SLX9: variants seen among roughly 807,000 people sequenced by gnomAD.
The protein encoded by SLX9 is SLX9 ribosome biogenesis factor.
SLX9 carries 19 observed loss-of-function variants against 20.8 expected under a neutral mutation model. The observed-to-expected ratio is 0.91, with a 90% CI of 0.64 to 1.34. SLX9 has a LOEUF of 1.34. Among genes scored for constraint, SLX9 ranks in the 40% most tolerant of loss-of-function variants. The pLI is 0.00. For synonymous variants in SLX9, 113 were observed against 137.1 expected (o/e 0.82, Z 1.23); for missense variants, 299 against 322.2 (o/e 0.93, Z 0.55).
upstream of SLX9, chr21:44,940,021 G>T (rs752389186): frequency 1.4e-6 from 2 of 1,393,428 alleles, no homozygotes; most frequent in South Asian, 1.7e-5. Flanking sequence ...CAGCTTCCGG[G>T]AGGCGCTCCG....
chr21:44,973,087 C>A, intron 4 of SLX9, 110 bp from the exon 5 acceptor site: 1 of 1,150,836 alleles, frequency 8.7e-7, no homozygotes, highest in Non-Finnish European at 1.2e-6. Flanking sequence ...GTTTGGTCAC[C>A]TCTGGCCACC....
At chr21:44,967,322 C>T (rs1266690305) in intron 4 of SLX9, 141 bp downstream of exon 4, 9 of 1,243,974 alleles carry the variant, frequency 7.2e-6, no homozygotes, top group Admixed American at 3.0e-5. Context: ...GCCGGTGCTC[C>T]GCACAGGTAC....
intron 2 of SLX9, among the ~76,000 whole-genome samples, chr21:44,953,221 C>T (rs1341636751): frequency 6.6e-6 from 1 of 152,250 alleles, no homozygotes; most frequent in Admixed American, 6.5e-5. Flanking sequence ...CTATCCCTTC[C>T]TCTGTGGGCG....
intron 1 of SLX9, among the ~76,000 whole-genome samples, chr21:44,942,568 G>A (rs9637166): frequency 0.9 from 136,318 of 152,286 alleles, 61,176 homozygotes; most frequent in African/African-American, 0.97. Flanking sequence ...AGGAGGCCAT[G>A]TTTTACCTCT....
chr21:44,941,837 G>C (rs190030258), intron 1 of SLX9, among the ~76,000 whole-genome samples: 1 of 152,196 alleles, frequency 6.6e-6, no homozygotes, highest in Non-Finnish European at 1.5e-5. Context: ...TCACCACCCA[G>C]AGCTCCTTCC....
chr21:44,973,258 C>T lies in SLX9; in HGVS notation c.562C>T (p.Gln188Ter). 6.2e-7 allele frequency: 1 copy of T among 1,612,300 alleles called. No homozygotes were observed. The highest frequency in any genetic ancestry group is 1.3e-5 in the African/African-American group (1 of 75,000). Residue 188 changes from glutamine to a stop codon, truncating the protein, a stop_gained, in exon 5 of 6, where the codon CAG becomes TAG. Coordinates refer to ENST00000291634, the MANE Select transcript of SLX9 (RefSeq NM_058190.4). LOFTEE classifies it high-confidence loss of function. ...LSRMSAAQRQ[Q>*]LLEEERTRFQ... is the part of the protein sequence containing the mutation. ...CCGGATGAGCGCAGCCCAGAGACAGCAGCTTCTGTGAGTGCACCTGCCCAC... is the reference window on the plus strand; with the variant it reads ...CCGGATGAGCGCAGCCCAGAGACAGTAGCTTCTGTGAGTGCACCTGCCCAC...
chr21:44,939,977 C>T (rs1281060193), upstream of SLX9: 1 of 1,334,938 alleles, frequency 7.5e-7, no homozygotes, highest in Non-Finnish European at 9.7e-7. Flanking sequence ...GCAGCCGCGG[C>T]TCCTGTTTCC....
intron 2 of SLX9, among the ~76,000 whole-genome samples, chr21:44,954,006 C>T (rs1214928366): frequency 2.6e-5 from 4 of 152,178 alleles, no homozygotes; most frequent in Admixed American, 2.0e-4. Context: ...GTTTCTCTTG[C>T]CTTGTTACCC....
intron 4 of SLX9, among the ~76,000 whole-genome samples, chr21:44,971,391 T>A (rs199870560): frequency 0.036 from 1 of 28 alleles, no homozygotes; most frequent in East Asian, 0.25. Context: ...CCCCACTGGG[T>A]AGGCTGTGCG....
At chr21:44,948,711 G>A (rs1327118769) in intron 2 of SLX9, among the ~76,000 whole-genome samples, 1 of 152,178 alleles carries the variant, frequency 6.6e-6, no homozygotes, top group Non-Finnish European at 1.5e-5. Flanking sequence ...GGTGGTACAG[G>A]ATTTTGGGGG....
intron 4 of SLX9, chr21:44,969,384 G>A (rs548301552): frequency 1.2e-4 from 46 of 374,960 alleles, no homozygotes; most frequent in African/African-American, 8.3e-4. Context: ...TGTGCTTGGC[G>A]CTCCCAGAAG....
In SLX9 at chr21:44,940,156, G is replaced by T. The variant is rs939586144; in HGVS notation, c.99G>T (p.Ala33=). The change falls in exon 1 of 6, where the codon GCG becomes GCT. Residue 33 remains alanine, a synonymous_variant. Transcript: ENST00000291634. ...APGPAPPAPE[A]TPPPASAAGK... ...GCCCCGCGCCCCCTGCCCCGGAGGC[G>T]ACCCCTCCGCCGGCCTCGGCCGCGG... 12 of 1,294,478 alleles carry T rather than the reference G, an allele frequency of 9.3e-6. No individual in the cohort carries two copies. In the African/African-American group the frequency reaches 1.6e-4, roughly 17 times the overall value. The allele number at this position is 1,294,478 out of a possible 1,614,324, so 80.2% of individuals were successfully genotyped here. A position where few individuals can be genotyped will look rare whatever the true frequency, so the allele number is the denominator to read the frequency against.
chr21:44,966,686 C>T (rs950895881), intron 3 of SLX9, among the ~76,000 whole-genome samples: 1 of 152,178 alleles, frequency 6.6e-6, no homozygotes, highest in Non-Finnish European at 1.5e-5. Context: ...TTGAGGGCCC[C>T]TTTTCCTCAT....
intron 4 of SLX9, among the ~76,000 whole-genome samples, chr21:44,969,953 G>A (rs2085112642): frequency 6.6e-6 from 1 of 151,882 alleles, no homozygotes; most frequent in Non-Finnish European, 1.5e-5. Context: ...CTGAAGATCT[G>A]TCTGATGTTT....
intron 4 of SLX9, 185 bp from the exon 5 acceptor site, chr21:44,973,012 G>C: frequency 4.2e-6 from 3 of 707,714 alleles, no homozygotes; most frequent in Non-Finnish European, 7.2e-6. Flanking sequence ...TCAGGCAGTT[G>C]CACTGCTTGT....
At chr21:44,940,535 G>A (rs964671492) in intron 1 of SLX9, among the ~76,000 whole-genome samples, 7 of 152,236 alleles carry the variant, frequency 4.6e-5, no homozygotes, top group African/African-American at 1.7e-4. Context: ...AGAACGGAGA[G>A]CAAACTGAAG....
chr21:44,965,548 C>T (rs1601411086), intron 3 of SLX9, among the ~76,000 whole-genome samples: 3 of 152,206 alleles, frequency 2.0e-5, no homozygotes, highest in Admixed American at 6.6e-5. Context: ...TAATTTTTCT[C>T]ATGCGTGGGC....
intron 4 of SLX9, among the ~76,000 whole-genome samples, chr21:44,971,067 G>T (rs1568946167): frequency 6.6e-6 from 1 of 152,274 alleles, no homozygotes; most frequent in Non-Finnish European, 1.5e-5. Context: ...TGACCCCCAT[G>T]CTCTGGACCT....
rs540825858 is a variant in SLX9, at chr21:44,943,828, A to G, written c.274A>G (p.Ile92Val). ...CTCGAGTGCACGGAGCGTCCCTTCC[A>G]TCAGGAGAGGTGAGGCAGGCTCGAC... ...AGSSARSVPS[I>V]RRGAEAKTVL... is the part of the protein sequence containing the mutation. Residue 92 changes from isoleucine to valine, a missense_variant, in exon 2 of 6, where the codon ATC becomes GTC. Coordinates refer to ENST00000291634, the MANE Select transcript of SLX9 (RefSeq NM_058190.4). 1 of 1,612,916 alleles carries G rather than the reference A, an allele frequency of 6.2e-7. No homozygotes were observed. Among genetic ancestry groups the G allele is most frequent in the Non-Finnish European group, 8.5e-7 (1 of 1,179,912 alleles).
Sources: gnomAD v4.1 joint callset for allele counts (sites outside exome capture counted in the v4.1 genomes callset) on GRCh38, gnomAD v4.1.1 for gene constraint, MANE v1.5 for transcripts, NCBI Gene and HGNC (gene_info 2026-07-23, HGNC 2026-07-21) for gene names.